The following ZBTB20 variants were observed in gnomAD, a reference collection of about 807,000 sequenced individuals.
ZBTB20 encodes the protein zinc finger and BTB domain containing 20.
Under a neutral mutation model 56.9 loss-of-function variants are expected in ZBTB20, and 9 were observed. That is an observed-to-expected ratio of 0.16 (90% CI 0.10 to 0.28). The LOEUF (loss-of-function observed/expected upper bound fraction) is 0.28, where lower values mean the gene tolerates loss of function less well. ZBTB20 is among the 10% of genes least tolerant of loss of function. The probability of loss-of-function intolerance (pLI) is 1.00; values close to 1 mark genes in which losing one functional copy is unlikely to be tolerated. For synonymous variants in ZBTB20, 417 were observed against 420.7 expected, an observed-to-expected ratio of 0.99 and a Z score of 0.11; for missense variants, 655 against 1,003.0, an observed-to-expected ratio of 0.65 and a Z score of 4.69.
intron 6 of ZBTB20, among the ~76,000 whole-genome samples, chr3:114,524,958 C>G (rs373867793): frequency 6.6e-6 from 1 of 152,206 alleles, no homozygotes; most frequent in Admixed American, 6.5e-5. Context: ...AAACAATCCA[C>G]CTGCCTTGGC....
chr3:114,859,244 CTTCT>C (rs2075386905), intron 4 of ZBTB20, among the ~76,000 whole-genome samples: 2 of 146,874 alleles, frequency 1.4e-5, no homozygotes, highest in Non-Finnish European at 1.5e-5. Context: ...TCCTTCCTTT[CTTCT>C]TTCTTTTCCT....
At chr3:114,465,988 T>C (rs2092535395) in intron 7 of ZBTB20, among the ~76,000 whole-genome samples, 1 of 152,022 alleles carries the variant, frequency 6.6e-6, no homozygotes. Context: ...GTATGTACAT[T>C]TGTGTGTGTG....
At chr3:114,837,053 G>T (rs1420239523) in intron 4 of ZBTB20, among the ~76,000 whole-genome samples, 2 of 151,988 alleles carry the variant, frequency 1.3e-5, no homozygotes, top group Admixed American at 1.3e-4. Flanking sequence ...TATTAGCCCT[G>T]GTCTAGCTAT....
intron 6 of ZBTB20, among the ~76,000 whole-genome samples, chr3:114,547,798 A>G (rs1023534882): frequency 7.2e-5 from 11 of 152,244 alleles, no homozygotes; most frequent in Non-Finnish European, 1.5e-4. Context: ...TTACAATAAG[A>G]AAACATAAAA....
chr3:114,425,511 C>T (rs2089569286), intron 7 of ZBTB20, among the ~76,000 whole-genome samples: 1 of 152,170 alleles, frequency 6.6e-6, no homozygotes. Context: ...AAAATGATTT[C>T]TTTCTATGTC....
intron 6 of ZBTB20, among the ~76,000 whole-genome samples, chr3:114,570,984 C>A (rs2053366489): frequency 6.6e-6 from 1 of 152,044 alleles, no homozygotes; most frequent in East Asian, 1.9e-4. Context: ...TGCTGTTTTT[C>A]ATTTTCTTGC....
At position 114,334,602 on chromosome 3, in the gene ZBTB20, T is replaced by C. The variant is rs1202043665; in HGVS notation, c.*4403A>G. 6.6e-6 allele frequency: 1 copy of C among 152,186 alleles called. No homozygotes were observed. Among genetic ancestry groups the C allele is most frequent in the African/African-American group, 2.4e-5 (1 of 41,440 alleles). 9.4% of individuals were successfully genotyped at this position (152,186 alleles called of 1,614,324 possible). A position where few individuals can be genotyped will look rare whatever the true frequency, so the allele number is the denominator to read the frequency against. ...TTGAAAAAGAGTATTTGGGACCTTA[T>C]AGAATATTTTGATGATACAAAATAA... On this transcript the variant is annotated 3_prime_UTR_variant, in exon 12 of 12. Transcript: ENST00000675478.
rs2078874581 is a variant in ZBTB20, at chr3:114,321,019, G to A, written c.*17986C>T. ...GAAAACAAAATAAAGTGAACAGGTG[G>A]TTGAGCCAGCCAAAGCCTCCAAGTT... On this transcript the variant is annotated 3_prime_UTR_variant, in exon 12 of 12. Transcript: ENST00000675478. 6.6e-6 allele frequency: 1 copy of A among 152,148 alleles called. No homozygotes were observed. Among genetic ancestry groups the A allele is most frequent in the Non-Finnish European group, 1.5e-5 (1 of 68,036 alleles). The allele number at this position is 152,148 out of a possible 1,614,324, so 9.4% of individuals were successfully genotyped here. A position where few individuals can be genotyped will look rare whatever the true frequency, so the allele number is the denominator to read the frequency against.
intron 4 of ZBTB20, among the ~76,000 whole-genome samples, chr3:114,878,957 GA>G (rs1288958687): frequency 6.6e-6 from 1 of 152,150 alleles, no homozygotes; most frequent in Admixed American, 6.6e-5. Context: ...AGGGCAAACT[GA>G]AAATTATAAA....
intron 5 of ZBTB20, among the ~76,000 whole-genome samples, chr3:114,768,271 T>A (rs1022259797): frequency 6.6e-6 from 1 of 152,142 alleles, no homozygotes; most frequent in South Asian, 2.1e-4. Context: ...ATAAAAAATA[T>A]GACTTGACCA....
intron 3 of ZBTB20, among the ~76,000 whole-genome samples, chr3:114,953,244 A>T (rs1176320337): frequency 1.7e-5 from 2 of 116,402 alleles, no homozygotes. Flanking sequence ...AGAACAATAG[A>T]TAAATTTAAA....
intron 2 of ZBTB20, among the ~76,000 whole-genome samples, chr3:115,012,115 T>C (rs1398074988): frequency 6.6e-6 from 1 of 151,226 alleles, no homozygotes; most frequent in Non-Finnish European, 1.5e-5. Context: ...GAGAAAATCA[T>C]CTTCACGAAA....
intron 6 of ZBTB20, among the ~76,000 whole-genome samples, chr3:114,586,564 A>G (rs2055194696): frequency 6.6e-6 from 1 of 152,230 alleles, no homozygotes. Flanking sequence ...ACTTCTCTCT[A>G]TACCTTGTGG....
At chr3:115,100,896 A>C (rs1254438788) in intron 1 of ZBTB20, among the ~76,000 whole-genome samples, 1 of 152,242 alleles carries the variant, frequency 6.6e-6, no homozygotes, top group African/African-American at 2.4e-5. Flanking sequence ...GACTCCATAC[A>C]ATAGGAAAAC....
At chr3:114,876,633 G>C (rs1439161747) in intron 4 of ZBTB20, 1 of 152,074 alleles carries the variant, frequency 6.6e-6, no homozygotes, top group African/African-American at 2.4e-5. Flanking sequence ...TTGTGTTTCT[G>C]TGGAGGTTAA....
At chr3:114,812,736 G>C (rs1301115128) in intron 4 of ZBTB20, among the ~76,000 whole-genome samples, 1 of 152,232 alleles carries the variant, frequency 6.6e-6, no homozygotes, top group East Asian at 1.9e-4. Flanking sequence ...ACTGGGCGCC[G>C]TGGAGCAGAG....
intron 6 of ZBTB20, among the ~76,000 whole-genome samples, chr3:114,674,150 A>G (rs1252615582): frequency 6.6e-6 from 1 of 152,194 alleles, no homozygotes; most frequent in Non-Finnish European, 1.5e-5. Context: ...AAGGGGCTGA[A>G]CCCAGAACTT....
chr3:114,446,247 G>A (rs2091266132), intron 7 of ZBTB20, among the ~76,000 whole-genome samples: 1 of 152,090 alleles, frequency 6.6e-6, no homozygotes, highest in Non-Finnish European at 1.5e-5. Flanking sequence ...TAAGTAGTGT[G>A]GGGTTTCAGA....
intron 7 of ZBTB20, among the ~76,000 whole-genome samples, chr3:114,494,264 C>T (rs2043043640): frequency 6.6e-6 from 1 of 151,968 alleles, no homozygotes; most frequent in African/African-American, 2.4e-5. Context: ...TTGCCTGTTC[C>T]CCCAGGTTCT....
Sources: allele counts gnomAD v4.1 joint callset (sites outside exome capture counted in the v4.1 genomes callset), GRCh38; gene constraint gnomAD v4.1.1; transcripts MANE v1.5; gene names NCBI Gene and HGNC (gene_info 2026-07-23, HGNC 2026-07-21).